The following FSCN3 variants were observed in gnomAD, a reference collection of about 807,000 sequenced individuals.
FSCN3 encodes the protein fascin actin-bundling protein 3, also known as fascin-3.
Under a neutral mutation model 53.5 loss-of-function variants are expected in FSCN3, and 43 were observed. That is an observed-to-expected ratio of 0.80 (90% CI 0.63 to 1.04). FSCN3 has a LOEUF of 1.04. Ranked by LOEUF, FSCN3 falls within the 50% of genes least tolerant of loss-of-function variation. The pLI, the probability that FSCN3 is intolerant of heterozygous loss-of-function variation, is 0.00. For synonymous variants in FSCN3, 235 were observed against 246.6 expected, an observed-to-expected ratio of 0.95 and a Z score of 0.44; for missense variants, 594 against 646.5, an observed-to-expected ratio of 0.92 and a Z score of 0.88.
chr7:127,600,150 C>A, intron 5 of FSCN3, 44 bp from the exon 6 acceptor site: 1 of 1,058,416 alleles, frequency 9.4e-7, no homozygotes, highest in Non-Finnish European at 1.5e-6. Context: ...CGCTGGAGGA[C>A]TCCCCTGTGA....
At chr7:127,594,057 TGTGCGC>T in intron 1 of FSCN3, 60 bp downstream of exon 1, 17 of 1,576,054 alleles carry the variant, frequency 1.1e-5, no homozygotes, top group Admixed American at 1.8e-5. Context: ...TGTGTGTGTG[TGTGCGC>T]GCGCGCGTGT....
chr7:127,599,361 C>A lies in FSCN3; in HGVS notation c.1121-20C>A. 3 of 1,606,494 alleles carry A rather than the reference C, an allele frequency of 1.9e-6. No homozygotes were observed. Among genetic ancestry groups the A allele is most frequent in the Non-Finnish European group, 2.6e-6 (3 of 1,173,816 alleles). Reference sequence around the variant, plus strand: ...ACCTAAAGGCAGCCCATCCAGATAACTCCTTCCTATTTCCTTCAGGCCCAA... The same window carrying A: ...ACCTAAAGGCAGCCCATCCAGATAAATCCTTCCTATTTCCTTCAGGCCCAA... On this transcript the variant is annotated intron_variant, in intron 4 of 6. Coordinates refer to ENST00000265825, the MANE Select transcript of FSCN3 (RefSeq NM_020369.3).
intron 4 of FSCN3, 81 bp from the exon 5 acceptor site, chr7:127,599,300 A>T (rs928106385): frequency 1.1e-5 from 11 of 1,045,070 alleles, no homozygotes; most frequent in Non-Finnish European, 1.6e-5. Context: ...CCCTTCTGCA[A>T]TTAGCGTCCC....
At chr7:127,598,353 G>C in intron 3 of FSCN3, 82 bp from the exon 4 acceptor site, 2 of 1,288,990 alleles carry the variant, frequency 1.6e-6, no homozygotes, top group East Asian at 2.3e-5. Flanking sequence ...TGTGGGAAGA[G>C]GGTCTAGGAA....
At chr7:127,597,449 C>T (rs1794405309) in intron 3 of FSCN3, among the ~76,000 whole-genome samples, 1 of 151,442 alleles carries the variant, frequency 6.6e-6, no homozygotes, top group Non-Finnish European at 1.5e-5. Flanking sequence ...GGATTTAATT[C>T]ACATTTACCT....
At chr7:127,599,892 C>A (rs1794446608) in intron 5 of FSCN3, among the ~76,000 whole-genome samples, 1 of 150,846 alleles carries the variant, frequency 6.6e-6, no homozygotes, top group Admixed American at 6.6e-5. Context: ...TTGCAGTGAG[C>A]CAAGATCACG....
intron 4 of FSCN3, among the ~76,000 whole-genome samples, chr7:127,598,897 T>C (rs1037709706): frequency 2.0e-5 from 3 of 151,552 alleles, no homozygotes; most frequent in African/African-American, 7.3e-5. Flanking sequence ...GACTTGGAGG[T>C]TGCAGTGAGC....
At chr7:127,595,048 A>G (rs1794363061) in intron 1 of FSCN3, 1 of 579,266 alleles carries the variant, frequency 1.7e-6, no homozygotes. Flanking sequence ...CTGTTAGCTG[A>G]AGGAGGTAGA....
In FSCN3 at chr7:127,594,703, T is replaced by A. The variant is rs1794357682; in HGVS notation, c.145-604T>A. 6.4e-6 allele frequency: 3 copies of A among 471,206 alleles called. No individual in the cohort carries two copies. The Admixed American group carries it at 7.0e-5, about 11-fold the overall frequency. 29.2% of individuals were successfully genotyped at this position (471,206 alleles called of 1,614,324 possible). A position where few individuals can be genotyped will look rare whatever the true frequency, so the allele number is the denominator to read the frequency against. ...GAAGCCCTAGCAGTGTCGGTCTTCA[T>A]TCTAGAGAGGAATGTAGGCACCTCT... On this transcript the variant is annotated intron_variant, in intron 1 of 6. Transcript: ENST00000265825.
At chr7:127,594,791 C>G (rs1242928944) in intron 1 of FSCN3, 1 of 471,470 alleles carries the variant, frequency 2.1e-6, no homozygotes, top group Non-Finnish European at 4.4e-6. Context: ...TTGATCACAG[C>G]TGAACCAGGC....
Position 127,600,518 on chromosome 7 carries a change from T to C in FSCN3, c.*119T>C, listed in dbSNP as rs144723488. 7.3e-4 allele frequency: 462 copies of C among 634,150 alleles called. 3 individuals are homozygous for C. The African/African-American group carries it at 7.6e-3, about 10-fold the overall frequency. 39.3% of individuals were successfully genotyped at this position (634,150 alleles called of 1,614,324 possible). A position where few individuals can be genotyped will look rare whatever the true frequency, so the allele number is the denominator to read the frequency against. On this transcript the variant is annotated intron_variant, in intron 6 of 6. Coordinates refer to ENST00000265825, the MANE Select transcript of FSCN3 (RefSeq NM_020369.3). Reference sequence around the variant, plus strand: ...CAAAATGCACTCCCAGGCTGACTTCTGTCCCATAATTTGATCAACTCCAGA... The same window carrying C: ...CAAAATGCACTCCCAGGCTGACTTCCGTCCCATAATTTGATCAACTCCAGA...
chr7:127,601,617 C>T lies in FSCN3; in HGVS notation c.*1-6C>T, dbSNP rs1232326787. The T allele has an allele frequency of 1.3e-5, 2 of 152,204 alleles. No homozygotes were observed. Among genetic ancestry groups the T allele is most frequent in the Admixed American group, 1.3e-4 (2 of 15,284 alleles). 9.4% of individuals were successfully genotyped at this position (152,204 alleles called of 1,614,324 possible). ...TGACCATTTATATTTCCTCTTTCCT[C>T]TCCAGGTCAATGGGATGTCACCTAC... On this transcript the variant is annotated splice_polypyrimidine_tract_variant and splice_region_variant and intron_variant, in intron 6 of 6. Coordinates refer to ENST00000265825, the MANE Select transcript of FSCN3 (RefSeq NM_020369.3).
At chr7:127,594,724 C>T in intron 1 of FSCN3, 1 of 471,192 alleles carries the variant, frequency 2.1e-6, no homozygotes, top group Non-Finnish European at 4.4e-6. Context: ...AATGTAGGCA[C>T]CTCTGGGATG....
chr7:127,595,977 C>G lies in FSCN3; in HGVS notation c.815C>G (p.Thr272Ser). The G allele has an allele frequency of 6.4e-7, 1 of 1,561,418 alleles. No homozygotes were observed. The highest frequency in any genetic ancestry group is 8.7e-7 in the Non-Finnish European group (1 of 1,152,444). The stretch of plus-strand genomic sequence containing the variant: ...ACCTGGGTCAGCCTCAGGTCAAAGA[C>G]TGGGCGGTTCATCTCAGTCATCTAC... Reference protein sequence around the residue: ...CPTWVSLRSKTGRFISVIYDG... With the variant: ...CPTWVSLRSKSGRFISVIYDG... Residue 272 changes from threonine (T) to serine (S), a missense_variant, in exon 2 of 7, where the codon ACT becomes AGT. By Grantham distance (58) the Thr-to-Ser change is moderately conservative. Transcript: ENST00000265825.
intron 3 of FSCN3, among the ~76,000 whole-genome samples, chr7:127,596,957 T>C (rs1257351840): frequency 1.3e-5 from 2 of 152,248 alleles, no homozygotes; most frequent in Non-Finnish European, 2.9e-5. Context: ...GCGTTTCTGA[T>C]CAATGGAAAC....
At position 127,595,746 on chromosome 7, in the gene FSCN3, C is replaced by T; in HGVS notation, c.584C>T (p.Thr195Ile). The T allele has an allele frequency of 6.2e-7, 1 of 1,613,868 alleles. No homozygotes were observed. Among genetic ancestry groups the T allele is most frequent in the Non-Finnish European group, 8.5e-7 (1 of 1,179,732 alleles). Reference protein sequence around the residue: ...RDGCYHLETSTHHFLSHVDRL... With the variant: ...RDGCYHLETSIHHFLSHVDRL... ...GGATGCTACCACCTGGAGACCTCTA[C>T]ACACCACTTCTTGTCCCATGTAGAC... The change falls in exon 2 of 7, where the codon ACA becomes ATA. Residue 195 changes from threonine to isoleucine, a missense_variant. Thr to Ile is a moderately conservative substitution (Grantham distance 89). Coordinates refer to ENST00000265825, the MANE Select transcript of FSCN3 (RefSeq NM_020369.3).
chr7:127,595,046 TGAAGGAGGTAGACATCTA>T, intron 1 of FSCN3: 1 of 577,448 alleles, frequency 1.7e-6, no homozygotes. Context: ...TTCTGTTAGC[TGAAGGAGGTAGACATCTA>T]GAACTTCTCT....
At position 127,593,937 on chromosome 7, in the gene FSCN3, C is replaced by T. The variant is rs769929234; in HGVS notation, c.84C>T (p.Leu28=). 1 of 1,610,438 alleles carries T rather than the reference C, an allele frequency of 6.2e-7. No individual in the cohort carries two copies. The highest frequency in any genetic ancestry group is 8.5e-7 in the Non-Finnish European group (1 of 1,178,418). The part of the protein sequence containing the change: ...VGLISWAGTY[L]TFEACKNTVT... ...TCATCAGCTGGGCAGGAACCTACCT[C>T]ACCTTTGAGGCATGCAAGAATACAG... Residue 28 remains leucine (L), a synonymous_variant, in exon 1 of 7, where the codon CTC becomes CTT. Coordinates refer to ENST00000265825, the MANE Select transcript of FSCN3 (RefSeq NM_020369.3).
chr7:127,596,008 G>C lies in FSCN3; in HGVS notation c.841+5G>C, dbSNP rs1357670976. 6.5e-7 allele frequency: 1 copy of C among 1,537,606 alleles called. No homozygotes were observed. The highest frequency in any genetic ancestry group is 1.3e-5 in the South Asian group (1 of 78,296). On this transcript the variant is annotated splice_donor_5th_base_variant and intron_variant, in intron 2 of 6. Coordinates refer to ENST00000265825, the MANE Select transcript of FSCN3 (RefSeq NM_020369.3). ...GGTTCATCTCAGTCATCTACGGCAAGTGCTGGACCCAACACAGATGGAGGG... is the reference window on the plus strand; with the variant it reads ...GGTTCATCTCAGTCATCTACGGCAACTGCTGGACCCAACACAGATGGAGGG...
Sources: gnomAD v4.1 joint callset for allele counts (sites outside exome capture counted in the v4.1 genomes callset) on GRCh38, gnomAD v4.1.1 for gene constraint, MANE v1.5 for transcripts, NCBI Gene and HGNC (gene_info 2026-07-23, HGNC 2026-07-21) for gene names.